Variants in IFI30 observed in about 807,000 individuals in gnomAD.
IFI30 encodes gamma-interferon-inducible lysosomal thiol reductase.
In IFI30, 26 loss-of-function variants were observed where a neutral mutation model predicts 30.1. That is an observed-to-expected ratio of 0.87 (90% confidence interval 0.63 to 1.20). The LOEUF (loss-of-function observed/expected upper bound fraction) is 1.20, where lower values mean the gene tolerates loss of function less well. Ranked by LOEUF, IFI30 falls within the 50% of genes most tolerant of loss-of-function variation. IFI30 has a pLI of 0.00. For missense variants in IFI30, 296 were observed against 312.5 expected (o/e 0.95, Z 0.40); for synonymous variants, 149 against 134.5 (o/e 1.11, Z -0.75).
At chr19:18,175,420 G>A in intron 3 of IFI30, 35 bp downstream of exon 3, 1 of 1,551,848 alleles carries the variant, frequency 6.4e-7, no homozygotes, top group Non-Finnish European at 8.7e-7. Context: ...TGGGGTGGGG[G>A]AAAACTGTCC....
chr19:18,175,253 T>TGGGCAGGG (rs2147966225), intron 2 of IFI30, 31 bp downstream of exon 2: 1 of 1,576,018 alleles, frequency 6.3e-7, no homozygotes, highest in East Asian at 2.3e-5. Context: ...CTGAGGCACG[T>TGGGCAGGG]GGGCAGGGGA....
At chr19:18,174,123 T>C (rs937426086) in intron 1 of IFI30, 150 bp downstream of exon 1, 18 of 716,756 alleles carry the variant, frequency 2.5e-5, no homozygotes, top group Admixed American at 6.5e-5. Flanking sequence ...CCCTGTTCAG[T>C]TCCCGGCGCT....
chr19:18,174,005 G>A, intron 1 of IFI30, 32 bp downstream of exon 1: 1 of 1,534,480 alleles, frequency 6.5e-7, no homozygotes, highest in Non-Finnish European at 8.8e-7. Flanking sequence ...GCAGGCTGGA[G>A]GGAACAGGCG....
Position 18,173,915 on chromosome 19 carries a change from A to G in IFI30, c.74A>G (p.Gln25Arg), listed in dbSNP as rs1013490269. 2 of 1,551,266 alleles carry G rather than the reference A, an allele frequency of 1.3e-6. No individual in the cohort carries two copies. Among genetic ancestry groups the G allele is most frequent in the African/African-American group, 2.7e-5 (2 of 73,072 alleles). Residue 25 changes from glutamine to arginine, a missense_variant, in exon 1 of 7, where the codon CAG becomes CGG. Gln to Arg is a conservative substitution (Grantham distance 43, BLOSUM62 1). Transcript: ENST00000407280. ...LLLDVPTAAVQASPLQALDFF... is the reference protein window; with the variant it reads ...LLLDVPTAAVRASPLQALDFF... ...CTGGACGTCCCCACGGCGGCGGTGC[A>G]GGCGTCCCCTCTGCAAGCGTTAGAC...
Position 18,177,906 on chromosome 19 carries a change from A to C in IFI30, c.748A>C (p.Lys250Gln). The C allele has an allele frequency of 1.3e-6, 2 of 1,589,026 alleles. No individual in the cohort carries two copies. Among genetic ancestry groups the C allele is most frequent in the Middle Eastern group, 1.7e-4 (1 of 5,840 alleles). Residue 250 changes from lysine (K) to glutamine (Q), a missense_variant, in exon 7 of 7, where the codon AAG becomes CAG. Coordinates refer to ENST00000407280, the MANE Select transcript of IFI30 (RefSeq NM_006332.5). ...CAGCTCCCTCAGGAGTGTTTGCTTC[A>C]AGTGATGGCCGGTGAGCTGCGGAGA... ...STSSLRSVCF[K>Q]
rs371677129 is a variant in IFI30, at chr19:18,175,232, C to T, written c.315+10C>T. ...CTACGGAAACGCACAGGTGTGTGGG[C>T]GCTGGGGAAACTGAGGCACGTGGGC... On this transcript the variant is annotated intron_variant, in intron 2 of 6. Transcript: ENST00000407280. The T allele has an allele frequency of 1.1e-5, 18 of 1,577,808 alleles. No individual in the cohort carries two copies. Among genetic ancestry groups the T allele is most frequent in the Non-Finnish European group, 1.5e-5 (18 of 1,162,358 alleles).
At chr19:18,177,434 A>G (rs1967286311) in intron 5 of IFI30, 142 bp downstream of exon 5, 2 of 997,966 alleles carry the variant, frequency 2.0e-6, no homozygotes, top group Admixed American at 5.4e-5. Flanking sequence ...AGCCTGGGCA[A>G]CAAGAGCAAA....
chr19:18,177,770 C>A lies in IFI30; in HGVS notation c.690+6C>A. 1 of 1,613,494 alleles carries A rather than the reference C, an allele frequency of 6.2e-7. No homozygotes were observed. The highest frequency in any genetic ancestry group is 8.5e-7 in the Non-Finnish European group (1 of 1,179,692). On this transcript the variant is annotated splice_donor_region_variant and intron_variant, in intron 6 of 6. Transcript: ENST00000407280. ...TTGTCTGCCAGTTGTACCAGGTAAG[C>A]TGGGAGGGGAGCAGTGGGATTCAGG...
intron 5 of IFI30, 156 bp from the exon 6 acceptor site, chr19:18,177,555 C>T (rs553214152): frequency 2.5e-5 from 23 of 920,098 alleles, no homozygotes; most frequent in Non-Finnish European, 3.6e-5. Context: ...TTAAACATCC[C>T]TAGCCACCCC....
At chr19:18,174,992 G>A (rs768884148) in intron 1 of IFI30, 48 bp from the exon 2 acceptor site, 23 of 1,499,982 alleles carry the variant, frequency 1.5e-5, no homozygotes, top group Non-Finnish European at 1.9e-5. Context: ...AGAGAAGTGG[G>A]GAACTGCCCA....
At chr19:18,177,088 T>C in intron 4 of IFI30, 52 bp from the exon 5 acceptor site, 2 of 1,489,138 alleles carry the variant, frequency 1.3e-6, no homozygotes, top group Non-Finnish European at 1.8e-6. Flanking sequence ...GGCGGGACCG[T>C]TGAGATAACG....
rs746460936 is a variant in IFI30 at position 18,177,278 on chromosome 19, G to A, written c.622G>A (p.Val208Ile). 1.9e-6 allele frequency: 3 copies of A among 1,584,648 alleles called. No homozygotes were observed. The South Asian group carries it at 3.5e-5, about 18-fold the overall frequency. ...GCCACCACACGAGTATGTGCCCTGG[G>A]TCACCGTCAATGGGGTAAGAATCTT... is the stretch of plus-strand genomic sequence containing the variant. ...LQPPHEYVPWVTVNGKPLEDQ... is the reference protein window; with the variant it reads ...LQPPHEYVPWITVNGKPLEDQ... The change falls in exon 5 of 7, where the codon GTC (valine) becomes ATC (isoleucine). Residue 208 changes from valine to isoleucine, a missense_variant. Val to Ile is a conservative substitution (Grantham distance 29). Coordinates refer to ENST00000407280, the MANE Select transcript of IFI30 (RefSeq NM_006332.5).
Position 18,175,682 on chromosome 19 carries a change from G to A in IFI30, c.468G>A (p.Glu156=). Residue 156 remains glutamate (E), a synonymous_variant, in exon 4 of 7, where the codon GAG becomes GAA. Transcript: ENST00000407280. The stretch of plus-strand genomic sequence containing the variant: ...GCATGGAAGAGTTTGAGGACATGGA[G>A]AGAAGTCTGCCACTAGTGAGTGACG... ...IVCMEEFEDM[E]RSLPLCLQLY... The A allele has an allele frequency of 6.2e-7, 1 of 1,607,244 alleles. No individual in the cohort carries two copies. Among genetic ancestry groups the A allele is most frequent in the Non-Finnish European group, 8.5e-7 (1 of 1,176,934 alleles).
Position 18,175,504 on chromosome 19 carries a change from A to T in IFI30, c.391-101A>T, listed in dbSNP as rs1967258439. The T allele has an allele frequency of 1.1e-5, 15 of 1,385,982 alleles. No individual in the cohort carries two copies. The South Asian group carries it at 1.7e-4, about 16-fold the overall frequency. The allele number at this position is 1,385,982 out of a possible 1,614,324, so 85.9% of individuals were successfully genotyped here. A position where few individuals can be genotyped will look rare whatever the true frequency, so the allele number is the denominator to read the frequency against. Reference sequence around the variant, plus strand: ...TGTGCTCCCATTTAATCACATCTTTATTCCCTATCTCCTGGGTGGGTACTG... The same window carrying T: ...TGTGCTCCCATTTAATCACATCTTTTTTCCCTATCTCCTGGGTGGGTACTG... On this transcript the variant is annotated intron_variant, in intron 3 of 6. Transcript: ENST00000407280.
intron 1 of IFI30, chr19:18,174,674 C>T (rs527525098): frequency 3.6e-5 from 7 of 192,666 alleles, no homozygotes; most frequent in Non-Finnish European, 7.6e-5. Flanking sequence ...GAGTTCGAGA[C>T]CATTCTGGCC....
rs138269501 is a variant in IFI30 at position 18,177,393 on chromosome 19, G to A, written c.636+101G>A. 535 of 1,342,446 alleles carry A rather than the reference G, an allele frequency of 4.0e-4. 4 individuals carry two copies. In the East Asian group the frequency reaches 0.012, roughly 30 times the overall value. 83.2% of individuals were successfully genotyped at this position (1,342,446 alleles called of 1,614,324 possible). On this transcript the variant is annotated intron_variant, in intron 5 of 6. Coordinates refer to ENST00000407280, the MANE Select transcript of IFI30 (RefSeq NM_006332.5). Reference sequence around the variant, plus strand: ...AGATAAAGGAACCCAGGCGGAGGTTGCAGTGAGCTGAGATCATGCCACTGC... The same window carrying A: ...AGATAAAGGAACCCAGGCGGAGGTTACAGTGAGCTGAGATCATGCCACTGC...
chr19:18,174,616 G>A lies in IFI30; in HGVS notation c.133-424G>A, dbSNP rs372953483. ...AGGCCGGAGGCGGTGGCTCATGCCT[G>A]TAATCCCAACACTTTGGAAGTCTGA... On this transcript the variant is annotated intron_variant, in intron 1 of 6. Coordinates refer to ENST00000407280, the MANE Select transcript of IFI30 (RefSeq NM_006332.5). 1.5e-4 allele frequency: 26 copies of A among 174,740 alleles called. No homozygotes were observed. The East Asian group carries it at 4.3e-3, about 29-fold the overall frequency. 10.8% of individuals were successfully genotyped at this position (174,740 alleles called of 1,614,324 possible).
At chr19:18,174,743 G>A in intron 1 of IFI30, 1 of 311,660 alleles carries the variant, frequency 3.2e-6, no homozygotes, top group South Asian at 4.6e-5. Flanking sequence ...GTGGTGGCAT[G>A]TGCCTATAAT....
chr19:18,177,778 G>C lies in IFI30; in HGVS notation c.690+14G>C. The C allele has an allele frequency of 6.2e-7, 1 of 1,613,214 alleles. No individual in the cohort carries two copies. Among genetic ancestry groups the C allele is most frequent in the Non-Finnish European group, 8.5e-7 (1 of 1,179,580 alleles). On this transcript the variant is annotated intron_variant, in intron 6 of 6. Coordinates refer to ENST00000407280, the MANE Select transcript of IFI30 (RefSeq NM_006332.5). Reference sequence around the variant, plus strand: ...CAGTTGTACCAGGTAAGCTGGGAGGGGAGCAGTGGGATTCAGGTGGTGGGG... The same window carrying C: ...CAGTTGTACCAGGTAAGCTGGGAGGCGAGCAGTGGGATTCAGGTGGTGGGG...
Sources: gnomAD v4.1 joint callset for allele counts on GRCh38, gnomAD v4.1.1 for gene constraint, MANE v1.5 for transcripts, NCBI Gene and HGNC (gene_info 2026-07-23, HGNC 2026-07-21) for gene names.